MYH8: variants seen among roughly 807,000 people sequenced by gnomAD.
MYH8 encodes myosin-8.
Under a neutral mutation model 233.2 loss-of-function variants are expected in MYH8, and 168 were observed. The ratio of observed to expected loss-of-function variants is 0.72; its 90% confidence interval spans 0.64 to 0.82. The LOEUF (loss-of-function observed/expected upper bound fraction) is 0.82, where lower values mean the gene tolerates loss of function less well. MYH8 is among the 40% of genes least tolerant of loss of function. The pLI, the probability that MYH8 is intolerant of heterozygous loss-of-function variation, is 0.00. For missense variants in MYH8, 1,995 were observed against 2,327.8 expected, an observed-to-expected ratio of 0.86 and a Z score of 2.94; for synonymous variants, 785 against 850.6, an observed-to-expected ratio of 0.92 and a Z score of 1.34.
In MYH8 at chr17:10,420,025, C is replaced by T. The variant is rs886052562; in HGVS notation, c.203G>A (p.Gly68Asp). The part of the protein sequence containing the change: ...EGGKVTVKTE[G>D]GATLTVREDQ... ...CTCCCTGTTTTCACTTACTGCTCCA[C>T]CTTCAGTCTTTACGGTTACTTTCCC... is the stretch of plus-strand genomic sequence containing the variant. The change falls in exon 3 of 40, where the codon GGT (glycine) becomes GAT (aspartate). Residue 68 changes from glycine (G) to aspartate (D), a missense_variant. Physicochemically the swap from Gly to Asp is moderately conservative, Grantham distance 94 (BLOSUM62 -1). Around this residue, in one of 3 missense-constraint regions of MYH8, gnomAD observed 479 missense variants for 600.9 expected, o/e 0.80. Transcript: ENST00000403437. The T allele has an allele frequency of 1.2e-6, 2 of 1,614,034 alleles. No homozygotes were observed. The highest frequency in any genetic ancestry group is 2.7e-5 in the African/African-American group (2 of 75,050).
chr17:10,404,115 A>G (rs749641278), intron 22 of MYH8, among the ~76,000 whole-genome samples: 9 of 152,188 alleles, frequency 5.9e-5, no homozygotes, highest in Non-Finnish European at 1.0e-4. Flanking sequence ...ATTTTGTGAT[A>G]TTATTTAAAC....
rs2072320772 is a variant in MYH8, at chr17:10,419,845, G to A, written c.210+173C>T. Among the ~76,000 whole-genome samples the A allele has an allele frequency of 6.6e-6, 1 of 152,152 alleles. No homozygotes were observed. Among genetic ancestry groups the A allele is most frequent in the Admixed American group, 6.5e-5 (1 of 15,276 alleles). On this transcript the variant is annotated intron_variant, in intron 3 of 39. Coordinates refer to ENST00000403437, the MANE Select transcript of MYH8 (RefSeq NM_002472.3). This position sits in a 1 kb window ranked among gnomAD's most constrained non-coding sequence, Gnocchi z 4.0. ...TGAGGTCCTGTGCGAAGTTGGGAAG[G>A]GAAGACATGAAGGTACTGCTGTGAA...
Position 10,415,538 on chromosome 17 carries a change from G to A in MYH8, c.582C>T (p.Val194=), listed in dbSNP as rs1397205650. The A allele has an allele frequency of 1.9e-6, 3 of 1,614,086 alleles. No individual in the cohort carries two copies. The highest frequency in any genetic ancestry group is 2.2e-5 in the East Asian group (1 of 44,896). Residue 194 remains valine, a synonymous_variant, in exon 7 of 40, where the codon GTC becomes GTT. Transcript: ENST00000403437. This position sits in a 1 kb window ranked among gnomAD's most constrained non-coding sequence, Gnocchi z 4.1. ...GAGKTVNTKR[V]IQYFATIAVT... is the part of the protein sequence containing the mutation. The stretch of plus-strand genomic sequence containing the variant: ...CTGCAATTGTTGCAAAGTATTGGAT[G>A]ACACGCTTGGTGTTCACAGTCTTTC...
chr17:10,418,538 T>C (rs2072307164), intron 5 of MYH8, 107 bp downstream of exon 5: 10 of 1,597,996 alleles, frequency 6.3e-6, no homozygotes, highest in Non-Finnish European at 6.8e-6. Flanking sequence ...TGAAGCCCCA[T>C]GTGGCTAGAA....
At chr17:10,390,749 C>T in intron 39 of MYH8, 146 bp from the exon 40 acceptor site, 1 of 942,748 alleles carries the variant, frequency 1.1e-6, no homozygotes, top group East Asian at 2.5e-5. Context: ...GAGTTTATAA[C>T]TTCAACTACA....
intron 27 of MYH8, among the ~76,000 whole-genome samples, chr17:10,399,895 A>C (rs1406653005): frequency 6.6e-6 from 1 of 152,190 alleles, no homozygotes; most frequent in Non-Finnish European, 1.5e-5. Context: ...ACGCTTGCTT[A>C]AAGTGGATTT....
intron 39 of MYH8, among the ~76,000 whole-genome samples, chr17:10,391,556 T>G (rs547882567): frequency 6.6e-6 from 1 of 152,214 alleles, no homozygotes; most frequent in African/African-American, 2.4e-5. Context: ...GGTGCATGCC[T>G]GTTGTCCCAG....
Position 10,419,016 on chromosome 17 carries a change from C to G in MYH8, c.225G>C (p.Arg75Ser), listed in dbSNP as rs146732664. ...KTEGGATLTV[R>S]EDQVFPMNPP... Reference sequence around the variant, plus strand: ...GGTTCATAGGGAAGACTTGGTCTTCCCTGACAGTTAGAGTCTGGTGAGTAA... The same window carrying G: ...GGTTCATAGGGAAGACTTGGTCTTCGCTGACAGTTAGAGTCTGGTGAGTAA... Residue 75 changes from arginine (R) to serine (S), a missense_variant, in exon 4 of 40, where the codon AGG becomes AGC. Physicochemically the swap from Arg to Ser is moderately radical, Grantham distance 110. This residue lies in a region of MYH8 where 479 missense variants were observed against 600.9 expected (regional missense o/e 0.80). Transcript: ENST00000403437. This position sits in a 1 kb window ranked among gnomAD's most constrained non-coding sequence, Gnocchi z 4.0. 627 of 1,613,998 alleles carry G rather than the reference C, an allele frequency of 3.9e-4. 3 individuals are homozygous for G. In the African/African-American group the frequency reaches 7.2e-3, roughly 18 times the overall value.
At chr17:10,404,039 A>G (rs1031295187) in intron 22 of MYH8, among the ~76,000 whole-genome samples, 33 of 152,218 alleles carry the variant, frequency 2.2e-4, no homozygotes, top group African/African-American at 8.0e-4. Flanking sequence ...AGCCCAGGCA[A>G]AGGGGTAAAA....
In MYH8 at chr17:10,406,890, AC is replaced by A. The variant is rs1239735489; in HGVS notation, c.2053+1del. ...TTGATTATTTCACTCTCTGTGTCTT[AC>A]CAGGAGTTTTGGTTTCATTGGGAAT... is the stretch of plus-strand genomic sequence containing the variant. On this transcript the variant is annotated splice_donor_variant, in intron 18 of 39. Coordinates refer to ENST00000403437, the MANE Select transcript of MYH8 (RefSeq NM_002472.3). LOFTEE classifies it high-confidence loss of function. 3.7e-6 allele frequency: 6 copies of A among 1,613,644 alleles called. No homozygotes were observed. Among genetic ancestry groups the A allele is most frequent in the Non-Finnish European group, 5.1e-6 (6 of 1,179,708 alleles).
intron 9 of MYH8, 53 bp from the exon 10 acceptor site, chr17:10,414,537 T>C (rs761454411): frequency 1.6e-6 from 2 of 1,218,206 alleles, no homozygotes; most frequent in Non-Finnish European, 2.4e-6. Context: ...GCTTCTGAGA[T>C]AGTAAATGAA....
chr17:10,402,919 C>T (rs1419377740), intron 22 of MYH8, among the ~76,000 whole-genome samples: 1 of 152,138 alleles, frequency 6.6e-6, no homozygotes, highest in Admixed American at 6.5e-5. Context: ...GAGAGTTGTA[C>T]CATTGACTAG....
chr17:10,395,349 C>T lies in MYH8; in HGVS notation c.4746G>A (p.Lys1582=). ...KSEVDRKIAE[K]DEEIDQLKRN... is the part of the protein sequence containing the mutation. ...TCTTCAGCTGGTCAATTTCCTCATC[C>T]TTTTCTGCGATTTTTCTATCAACTT... is the stretch of plus-strand genomic sequence containing the variant. The change falls in exon 34 of 40, where the codon AAG becomes AAA. Residue 1582 remains lysine, a synonymous_variant. Transcript: ENST00000403437. The T allele has an allele frequency of 6.2e-7, 1 of 1,614,150 alleles. No homozygotes were observed. Among genetic ancestry groups the T allele is most frequent in the Non-Finnish European group, 8.5e-7 (1 of 1,180,024 alleles).
chr17:10,410,282 G>A (rs943386336), intron 15 of MYH8, among the ~76,000 whole-genome samples: 5 of 152,172 alleles, frequency 3.3e-5, no homozygotes, highest in East Asian at 3.8e-4. Context: ...CAGCCTGGGC[G>A]ACAGAGTGAG....
At chr17:10,414,709 C>G (rs1368547719) in intron 9 of MYH8, among the ~76,000 whole-genome samples, 1 of 152,122 alleles carries the variant, frequency 6.6e-6, no homozygotes, top group African/African-American at 2.4e-5. Flanking sequence ...GATCCATGAC[C>G]TCTGTATTTT....
rs547602874 is a variant in MYH8, at chr17:10,400,119, C to T, written c.3735+271G>A. Among the ~76,000 whole-genome samples the T allele has an allele frequency of 6.6e-6, 1 of 152,222 alleles. No individual in the cohort carries two copies. The highest frequency in any genetic ancestry group is 2.4e-5 in the African/African-American group (1 of 41,548). ...TGGGGAGGCTGAGGCAGGAGAGTGG[C>T]GTGAACCCGGGAGGCGGAGCTTGCA... is the stretch of plus-strand genomic sequence containing the variant. On this transcript the variant is annotated intron_variant, in intron 27 of 39. Coordinates refer to ENST00000403437, the MANE Select transcript of MYH8 (RefSeq NM_002472.3). This position sits in a 1 kb window ranked among gnomAD's most constrained non-coding sequence, Gnocchi z 4.0.
In MYH8 at chr17:10,400,944, G is replaced by A. The variant is rs3744552; in HGVS notation, c.3270C>T (p.Ile1090=). ...DEKLEKKEFE[I]SNLISKIEDE... Reference sequence around the variant, plus strand: ...CTTCAATTTTGCTTATCAAATTGCTGATTTCAAATTCTTTCCTTTAGACAG... The same window carrying A: ...CTTCAATTTTGCTTATCAAATTGCTAATTTCAAATTCTTTCCTTTAGACAG... The change falls in exon 26 of 40, where the codon ATC becomes ATT. Residue 1090 remains isoleucine (I), a synonymous_variant. Coordinates refer to ENST00000403437, the MANE Select transcript of MYH8 (RefSeq NM_002472.3). The surrounding 1 kb of genome is among the most constrained non-coding windows in gnomAD (Gnocchi z 4.0). 898,878 of 1,612,782 alleles carry A rather than the reference G, an allele frequency of 0.56. 259,373 individuals are homozygous for A. The highest frequency in any genetic ancestry group is 0.7 in the African/African-American group (52,717 of 74,994).
intron 9 of MYH8, 51 bp from the exon 10 acceptor site, chr17:10,414,535 G>T: frequency 8.2e-7 from 1 of 1,214,942 alleles, no homozygotes; most frequent in Non-Finnish European, 1.2e-6. Flanking sequence ...ATGCTTCTGA[G>T]ATAGTAAATG....
At position 10,420,793 on chromosome 17, in the gene MYH8, T is replaced by C. The variant is rs180933122; in HGVS notation, c.-30-536A>G. ...ATTTGGTGTTGTATCTCTCAGTGGATTGTTAGAAGAACATAATACATTCTA... is the reference window on the plus strand; with the variant it reads ...ATTTGGTGTTGTATCTCTCAGTGGACTGTTAGAAGAACATAATACATTCTA... On this transcript the variant is annotated intron_variant, in intron 2 of 39. Transcript: ENST00000403437. Among the ~76,000 whole-genome samples the C allele has an allele frequency of 1.3e-3, 191 of 152,364 alleles. 1 individual carries two copies. Among genetic ancestry groups the C allele is most frequent in the Non-Finnish European group, 2.1e-3 (146 of 68,030 alleles).
Sources: allele counts gnomAD v4.1 joint callset (sites outside exome capture counted in the v4.1 genomes callset), GRCh38; gene constraint gnomAD v4.1.1; regional missense constraint gnomAD v4.1.1; non-coding constraint Gnocchi (gnomAD v3.1); transcripts MANE v1.5; gene names NCBI Gene and HGNC (gene_info 2026-07-23, HGNC 2026-07-21).